Variants in PCGF6 observed in about 807,000 individuals in gnomAD.
The protein encoded by PCGF6 is polycomb group RING finger protein 6.
Under a neutral mutation model 45.5 loss-of-function variants are expected in PCGF6, and 24 were observed. That is an observed-to-expected ratio of 0.53 (90% confidence interval 0.38 to 0.74). PCGF6 has a LOEUF of 0.74. Among genes scored for constraint, PCGF6 ranks in the 30% least tolerant of loss-of-function variants. The probability of loss-of-function intolerance (pLI) is 0.00; values close to 1 mark genes in which losing one functional copy is unlikely to be tolerated. For synonymous variants in PCGF6, 152 were observed against 162.1 expected (o/e 0.94, Z 0.47); for missense variants, 356 against 443.2 (o/e 0.80, Z 1.77).
intron 6 of PCGF6, among the ~76,000 whole-genome samples, chr10:103,341,015 A>G (rs1366841332): frequency 6.6e-6 from 1 of 152,004 alleles, no homozygotes; most frequent in Non-Finnish European, 1.5e-5. Flanking sequence ...GGATCACCTG[A>G]GGTCGGGAGA....
intron 6 of PCGF6, among the ~76,000 whole-genome samples, chr10:103,342,919 A>ATG (rs10687554): frequency 0.97 from 146,986 of 152,170 alleles, 71,213 homozygotes; most frequent in East Asian, 1. Flanking sequence ...GACATAACAA[A>ATG]TCTCTTGCCT....
intron 5 of PCGF6, 28 bp downstream of exon 5, chr10:103,347,210 G>A (rs751946307): frequency 2.6e-6 from 4 of 1,520,074 alleles, no homozygotes; most frequent in Non-Finnish European, 3.6e-6. Context: ...TAATCTGTAA[G>A]TACATTATAG....
intron 9 of PCGF6, among the ~76,000 whole-genome samples, chr10:103,309,565 A>G (rs2093149333): frequency 6.6e-6 from 1 of 152,180 alleles, no homozygotes; most frequent in African/African-American, 2.4e-5. Flanking sequence ...ACCCAGTCTC[A>G]GGTATTTCTT....
At chr10:103,317,942 G>C (rs1034272944) in intron 8 of PCGF6, among the ~76,000 whole-genome samples, 1 of 151,104 alleles carries the variant, frequency 6.6e-6, no homozygotes, top group Non-Finnish European at 1.5e-5. Context: ...ATTTTTAGTA[G>C]ACACGGGGTT....
intron 6 of PCGF6, among the ~76,000 whole-genome samples, chr10:103,334,607 T>G (rs1208924584): frequency 6.6e-6 from 1 of 152,194 alleles, no homozygotes; most frequent in Non-Finnish European, 1.5e-5. Flanking sequence ...TAAAATTTCT[T>G]ACAAGAAGGC....
intron 6 of PCGF6, among the ~76,000 whole-genome samples, chr10:103,339,809 AAACACACACACACACACACACACACAC>A (rs2093272683): frequency 2.6e-5 from 1 of 38,666 alleles, no homozygotes; most frequent in Non-Finnish European, 5.3e-5. Flanking sequence ...CTCAAAAAAA[AAACACACACACACACACACACACACAC>A]ACACACACAC....
At chr10:103,321,676 T>C (rs1412768096) in intron 8 of PCGF6, among the ~76,000 whole-genome samples, 2 of 151,818 alleles carry the variant, frequency 1.3e-5, no homozygotes, top group Non-Finnish European at 2.9e-5. Flanking sequence ...CGCGCCACTG[T>C]ACTCCAGCCT....
chr10:103,344,630 T>C (rs1258662386), intron 6 of PCGF6, among the ~76,000 whole-genome samples: 1 of 150,984 alleles, frequency 6.6e-6, no homozygotes, highest in Non-Finnish European at 1.5e-5. Flanking sequence ...TGGCGCGATC[T>C]TGGCTCACTG....
At chr10:103,345,277 C>T (rs2093295209) in intron 5 of PCGF6, 145 bp from the exon 6 acceptor site, 2 of 633,210 alleles carry the variant, frequency 3.2e-6, no homozygotes, top group South Asian at 4.2e-5. Context: ...ATGACATTGG[C>T]TAATCTGTCA....
At chr10:103,304,905 T>G (rs1284147162) in intron 9 of PCGF6, among the ~76,000 whole-genome samples, 1 of 152,112 alleles carries the variant, frequency 6.6e-6, no homozygotes, top group African/African-American at 2.4e-5. Context: ...ACTCCCAAAG[T>G]GCTGGGATTA....
intron 6 of PCGF6, among the ~76,000 whole-genome samples, chr10:103,343,851 G>A (rs76304782): frequency 0.078 from 3,135 of 40,166 alleles, 7 homozygotes; most frequent in Middle Eastern, 0.13. Flanking sequence ...AAAAAAAAAA[G>A]AAAGGTATCT....
intron 9 of PCGF6, among the ~76,000 whole-genome samples, chr10:103,310,421 T>C (rs1366629368): frequency 6.6e-6 from 1 of 152,126 alleles, no homozygotes; most frequent in Non-Finnish European, 1.5e-5. Context: ...AGGAGGGGTT[T>C]GAGTTAAACA....
intron 8 of PCGF6, among the ~76,000 whole-genome samples, chr10:103,317,973 T>C (rs986153454): frequency 6.6e-6 from 1 of 151,106 alleles, no homozygotes; most frequent in Non-Finnish European, 1.5e-5. Context: ...GTCAGACTGG[T>C]CTCGAACTCC....
At chr10:103,347,573 A>C in intron 3 of PCGF6, 123 bp from the exon 4 acceptor site, 1 of 723,864 alleles carries the variant, frequency 1.4e-6, no homozygotes, top group Non-Finnish European at 2.3e-6. Flanking sequence ...AGTTACTTTT[A>C]AGTAGCATTT....
chr10:103,350,983 AGGAGGC>A lies in PCGF6; in HGVS notation c.78_83del (p.Pro27_Pro28del), dbSNP rs60968810. 7 of 1,410,812 alleles carry A rather than the reference AGGAGGC, an allele frequency of 5.0e-6. No homozygotes were observed. In the African/African-American group the frequency reaches 9.0e-5, roughly 18 times the overall value. 87.4% of individuals were successfully genotyped at this position (1,410,812 alleles called of 1,614,324 possible). A position where few individuals can be genotyped will look rare whatever the true frequency, so the allele number is the denominator to read the frequency against. The stretch of plus-strand genomic sequence containing the variant: ...CAGGGGTGAGGGCGGGCGGGGAGAC[AGGAGGC>A]GGAGGCGGCAAGGCTGCAGCTCCCT... On this transcript the variant is annotated inframe_deletion, in exon 1 of 10. Coordinates refer to ENST00000369847, the MANE Select transcript of PCGF6 (RefSeq NM_001011663.2).
chr10:103,338,544 CAA>C (rs369499715), intron 6 of PCGF6, among the ~76,000 whole-genome samples: 22 of 107,422 alleles, frequency 2.0e-4, no homozygotes, highest in African/African-American at 1.9e-4. Context: ...GACTCCATCT[CAA>C]AAAAAAAAAA....
At chr10:103,315,968 A>ATG (rs755606997) in intron 8 of PCGF6, among the ~76,000 whole-genome samples, 2,735 of 118,596 alleles carry the variant, frequency 0.023, 56 homozygotes, top group African/African-American at 0.058. Flanking sequence ...AACAGCTTAT[A>ATG]TGTGTGTGTG....
At chr10:103,313,213 T>C (rs976169496) in intron 9 of PCGF6, among the ~76,000 whole-genome samples, 2 of 152,326 alleles carry the variant, frequency 1.3e-5, no homozygotes, top group Non-Finnish European at 1.5e-5. Flanking sequence ...AGCAGGGGTG[T>C]CCAATCTTTT....
At chr10:103,329,028 A>T (rs2133577634) in intron 7 of PCGF6, among the ~76,000 whole-genome samples, 1 of 145,522 alleles carries the variant, frequency 6.9e-6, no homozygotes, top group African/African-American at 2.6e-5. Flanking sequence ...TACAGGCGTG[A>T]GCCACTGCGC....
Sources: allele counts gnomAD v4.1 joint callset (sites outside exome capture counted in the v4.1 genomes callset), GRCh38; gene constraint gnomAD v4.1.1; transcripts MANE v1.5; gene names NCBI Gene and HGNC (gene_info 2026-07-23, HGNC 2026-07-21).